ABCC11: variants seen among roughly 807,000 people sequenced by gnomAD.
ABCC11 encodes the protein ATP-binding cassette sub-family C member 11.
In ABCC11, 135 loss-of-function variants were observed where a neutral mutation model predicts 149.3. The observed-to-expected ratio is 0.90, with a 90% confidence interval of 0.79 to 1.04. ABCC11 has a LOEUF of 1.04. Among genes scored for constraint, ABCC11 ranks in the 50% least tolerant of loss-of-function variants. ABCC11 has a pLI of 0.00. For synonymous variants in ABCC11, 665 were observed against 671.4 expected, an observed-to-expected ratio of 0.99 and a Z score of 0.15; for missense variants, 1,680 against 1,722.1, an observed-to-expected ratio of 0.98 and a Z score of 0.43.
intron 26 of ABCC11, among the ~76,000 whole-genome samples, chr16:48,174,364 G>C (rs1317531319): frequency 6.6e-6 from 1 of 152,230 alleles, no homozygotes; most frequent in Non-Finnish European, 1.5e-5. Flanking sequence ...CTGGGGTTCA[G>C]TTTATCCTCC....
Position 48,192,628 on chromosome 16 carries a change from G to A in ABCC11, c.2598C>T (p.Tyr866=), listed in dbSNP as rs745928898. The A allele has an allele frequency of 3.3e-5, 54 of 1,614,142 alleles. No homozygotes were observed. Among genetic ancestry groups the A allele is most frequent in the East Asian group, 1.6e-4 (7 of 44,884 alleles). The change falls in exon 20 of 30, where the codon TAC becomes TAT. Residue 866 remains tyrosine (Y), a synonymous_variant. Coordinates refer to ENST00000356608, the MANE Select transcript of ABCC11 (RefSeq NM_001370497.1). ...AGATGAGGAGCAGGGCGTTGAGCCC[G>A]TACACCAGCTGGTAGAAGGACAGTT... ...NPQLSFYQLV[Y]GLNALLLICV... is the part of the protein sequence containing the mutation.
intron 27 of ABCC11, 100 bp downstream of exon 27, chr16:48,170,789 G>A: frequency 9.0e-7 from 1 of 1,106,166 alleles, no homozygotes. Context: ...ATGACCCGAA[G>A]CAGCAGCAGC....
chr16:48,169,278 C>T (rs973478809), intron 28 of ABCC11, among the ~76,000 whole-genome samples: 18 of 152,086 alleles, frequency 1.2e-4, no homozygotes, highest in African/African-American at 2.4e-4. Flanking sequence ...GTAAGGAATC[C>T]GCTATCAGGC....
chr16:48,191,424 C>G (rs762682402), intron 20 of ABCC11, among the ~76,000 whole-genome samples: 28 of 152,148 alleles, frequency 1.8e-4, no homozygotes, highest in Non-Finnish European at 2.9e-4. Flanking sequence ...GTCCCAGCTA[C>G]TCGGAGGTTA....
At chr16:48,244,711 C>A in intron 1 of ABCC11, 1 of 976,284 alleles carries the variant, frequency 1.0e-6, no homozygotes, top group South Asian at 2.7e-5. Context: ...GAGCGCGAGG[C>A]TCAGTTCGGG....
chr16:48,216,071 T>A (rs745812758), intron 7 of ABCC11, 43 bp downstream of exon 7: 17 of 1,593,298 alleles, frequency 1.1e-5, no homozygotes, highest in Admixed American at 6.7e-5. Flanking sequence ...GCCCTGGGAC[T>A]TCTGGGGCCC....
At chr16:48,205,082 T>C (rs1968312907) in intron 13 of ABCC11, among the ~76,000 whole-genome samples, 2 of 152,206 alleles carry the variant, frequency 1.3e-5, no homozygotes, top group Non-Finnish European at 2.9e-5. Context: ...TGTAGCAATA[T>C]TGGAGGGGGA....
chr16:48,233,569 C>T (rs1296634132), intron 1 of ABCC11, among the ~76,000 whole-genome samples: 3 of 152,174 alleles, frequency 2.0e-5, no homozygotes, highest in Non-Finnish European at 4.4e-5. Context: ...CATGAACCAG[C>T]CTAGAATATA....
At chr16:48,244,277 G>A in intron 1 of ABCC11, 2 of 738,576 alleles carry the variant, frequency 2.7e-6, no homozygotes, top group Non-Finnish European at 4.1e-6. Flanking sequence ...GTAGCGCGTA[G>A]CCGGAAGCGG....
At chr16:48,176,431 A>T (rs1348235335) in intron 25 of ABCC11, among the ~76,000 whole-genome samples, 2 of 152,126 alleles carry the variant, frequency 1.3e-5, no homozygotes, top group African/African-American at 4.8e-5. Flanking sequence ...TGGGAGAGGA[A>T]AGAGGAGGAG....
At chr16:48,187,848 T>C (rs925958840) in intron 20 of ABCC11, among the ~76,000 whole-genome samples, 3 of 152,130 alleles carry the variant, frequency 2.0e-5, no homozygotes, top group African/African-American at 7.2e-5. Flanking sequence ...TGCCTGCCCC[T>C]GAGGTAGGAG....
intron 4 of ABCC11, 118 bp downstream of exon 4, chr16:48,227,688 A>G (rs1293271621): frequency 7.3e-7 from 1 of 1,372,596 alleles, no homozygotes; most frequent in African/African-American, 1.4e-5. Context: ...CTCTTCCTAC[A>G]GGAAGAGCCA....
chr16:48,226,756 T>C, intron 4 of ABCC11, among the ~76,000 whole-genome samples: 1 of 152,244 alleles, frequency 6.6e-6, no homozygotes, highest in East Asian at 1.9e-4. Context: ...ACCCAGTTTC[T>C]GTACTCCATG....
At chr16:48,179,788 G>A (rs1260283302) in intron 23 of ABCC11, among the ~76,000 whole-genome samples, 3 of 152,230 alleles carry the variant, frequency 2.0e-5, no homozygotes, top group Non-Finnish European at 2.9e-5. Context: ...CATTTTTAAG[G>A]TGAAGTAAGA....
At chr16:48,222,149 A>G (rs932362352) in intron 6 of ABCC11, among the ~76,000 whole-genome samples, 10 of 149,490 alleles carry the variant, frequency 6.7e-5, no homozygotes, top group African/African-American at 1.7e-4. Flanking sequence ...GGCTAGTCTC[A>G]AACTCCTGGA....
intron 25 of ABCC11, 128 bp from the exon 26 acceptor site, chr16:48,175,545 A>G: frequency 8.7e-7 from 1 of 1,151,166 alleles, no homozygotes; most frequent in Non-Finnish European, 1.2e-6. Context: ...GTGAGCCCTG[A>G]AGGGGTAGGA....
At chr16:48,179,969 G>A (rs1249348751) in intron 23 of ABCC11, among the ~76,000 whole-genome samples, 1 of 152,202 alleles carries the variant, frequency 6.6e-6, no homozygotes. Context: ...CAGAGAAGGT[G>A]GGCACCATGA....
At chr16:48,181,767 C>T (rs372109253) in intron 23 of ABCC11, among the ~76,000 whole-genome samples, 4 of 152,174 alleles carry the variant, frequency 2.6e-5, no homozygotes, top group Non-Finnish European at 4.4e-5. Flanking sequence ...CCTGCCACCA[C>T]GCCAGGCTAA....
intron 26 of ABCC11, among the ~76,000 whole-genome samples, chr16:48,174,461 C>T (rs369395434): frequency 6.6e-6 from 1 of 152,212 alleles, no homozygotes; most frequent in Non-Finnish European, 1.5e-5. Flanking sequence ...AGTCCCCATG[C>T]CTTGATGTTT....
Sources: allele counts gnomAD v4.1 joint callset (sites outside exome capture counted in the v4.1 genomes callset), GRCh38; gene constraint gnomAD v4.1.1; transcripts MANE v1.5; gene names NCBI Gene and HGNC (gene_info 2026-07-23, HGNC 2026-07-21).